Variants in UNC45A observed in about 807,000 individuals in gnomAD.
UNC45A encodes the protein protein unc-45 homolog A.
In UNC45A, 78 loss-of-function variants were observed where a neutral mutation model predicts 103.2. The observed-to-expected ratio is 0.76, with a 90% confidence interval of 0.63 to 0.91. The LOEUF (loss-of-function observed/expected upper bound fraction) is 0.91, where lower values mean the gene tolerates loss of function less well. Ranked by LOEUF, UNC45A falls within the 40% of genes least tolerant of loss-of-function variation. The pLI is 0.00. For missense variants in UNC45A, 1,193 were observed against 1,224.8 expected, an observed-to-expected ratio of 0.97 and a Z score of 0.39; for synonymous variants, 495 against 504.6, an observed-to-expected ratio of 0.98 and a Z score of 0.25.
chr15:90,943,271 T>TA (rs1419771736), intron 8 of UNC45A, among the ~76,000 whole-genome samples, 189 bp downstream of exon 8: 4 of 150,792 alleles, frequency 2.7e-5, no homozygotes, highest in Admixed American at 6.6e-5. Flanking sequence ...TATGAAAAAT[T>TA]AAAAAAAATT....
chr15:90,932,216 T>C, upstream of UNC45A: 2 of 1,239,674 alleles, frequency 1.6e-6, no homozygotes, highest in Admixed American at 2.8e-5. Context: ...TCTGACTAGC[T>C]GGGTGACCTT....
At position 90,942,939 on chromosome 15, in the gene UNC45A, T is replaced by C; in HGVS notation, c.884T>C (p.Ile295Thr). The C allele has an allele frequency of 6.2e-7, 1 of 1,612,884 alleles. No homozygotes were observed. Among genetic ancestry groups the C allele is most frequent in the Non-Finnish European group, 8.5e-7 (1 of 1,179,238 alleles). The change falls in exon 8 of 20, where the codon ATC becomes ACC. Residue 295 changes from isoleucine (I) to threonine (T), a missense_variant. Transcript: ENST00000418476. ...CCTGCCCGGGAGCTGAAGGTCCTCA[T>C]CAGTAACCTCTTAGATCTGCTGACA... ...VDPARELKVL[I>T]SNLLDLLTEV...
Position 90,946,686 on chromosome 15 carries a change from C to T in UNC45A, c.1272C>T (p.Gly424=), listed in dbSNP as rs766692611. 8 of 1,612,472 alleles carry T rather than the reference C, an allele frequency of 5.0e-6. No homozygotes were observed. The African/African-American group carries it at 6.7e-5, about 13-fold the overall frequency. Residue 424 remains glycine, a synonymous_variant, in exon 10 of 20, where the codon GGC becomes GGT. Coordinates refer to ENST00000418476, the MANE Select transcript of UNC45A (RefSeq NM_018671.5). ...AGACGGTGTCCTGCCTCCTGCAGGG[C>T]CCATGTGACGCTGGCAACCGGGCCT... is the stretch of plus-strand genomic sequence containing the variant. ...AIQTVSCLLQ[G]PCDAGNRALE...
intron 6 of UNC45A, 180 bp downstream of exon 6, chr15:90,940,653 C>T (rs935223470): frequency 1.5e-6 from 1 of 667,750 alleles, no homozygotes; most frequent in African/African-American, 1.9e-5. Context: ...TGCCTCACAC[C>T]TGTAATCCCA....
chr15:90,948,396 T>TG, intron 12 of UNC45A, 113 bp downstream of exon 12: 1 of 1,499,444 alleles, frequency 6.7e-7, no homozygotes, highest in Non-Finnish European at 9.0e-7. Flanking sequence ...GGAAGAGGGC[T>TG]GGTGGCTGAG....
At chr15:90,936,057 G>T in intron 3 of UNC45A, 75 bp downstream of exon 3, 1 of 1,596,832 alleles carries the variant, frequency 6.3e-7, no homozygotes, top group Non-Finnish European at 8.5e-7. Context: ...CCGCTGCACC[G>T]TCACATTCTC....
chr15:90,938,635 G>A (rs1279700222), intron 4 of UNC45A, among the ~76,000 whole-genome samples: 1 of 152,052 alleles, frequency 6.6e-6, no homozygotes, highest in Non-Finnish European at 1.5e-5. Flanking sequence ...GGGTGGGGGA[G>A]TAGGCCTAGG....
In UNC45A at chr15:90,948,700, A is replaced by G. The variant is rs1340093562; in HGVS notation, c.1784A>G (p.Asn595Ser). 13 of 1,613,982 alleles carry G rather than the reference A, an allele frequency of 8.1e-6. No individual in the cohort carries two copies. The highest frequency in any genetic ancestry group is 1.1e-5 in the Non-Finnish European group (13 of 1,180,000). ...VLFAVASALV[N>S]CTNSYDYEEP... is the part of the protein sequence containing the mutation. ...TTTGCGGTGGCCTCAGCGCTGGTGA[A>G]CTGCACCAACAGCTATGACTACGAG... is the stretch of plus-strand genomic sequence containing the variant. The change falls in exon 13 of 20, where the codon AAC becomes AGC. Residue 595 changes from asparagine (N) to serine (S), a missense_variant. Asn to Ser is a conservative substitution (Grantham distance 46, BLOSUM62 1). Coordinates refer to ENST00000418476, the MANE Select transcript of UNC45A (RefSeq NM_018671.5).
chr15:90,948,533 A>G, intron 12 of UNC45A, 121 bp from the exon 13 acceptor site: 2 of 1,478,178 alleles, frequency 1.4e-6, no homozygotes, highest in South Asian at 1.4e-5. Context: ...AGTTTCCCGA[A>G]TTCATCCTGT....
At chr15:90,946,050 C>G (rs531574150) in intron 9 of UNC45A, among the ~76,000 whole-genome samples, 2 of 148,336 alleles carry the variant, frequency 1.3e-5, no homozygotes, top group African/African-American at 2.5e-5. Context: ...GTCAGGAGTT[C>G]GAGACCAGCC....
upstream of UNC45A, chr15:90,932,479 T>G (rs1358878150): frequency 6.9e-6 from 9 of 1,312,154 alleles, no homozygotes; most frequent in Non-Finnish European, 8.7e-6. Context: ...CCGCCGCTGC[T>G]GCCGGTGCTT....
Position 90,953,492 on chromosome 15 carries a change from C to T in UNC45A, c.2611C>T (p.Leu871Phe). ...THWLEILQAL[L>F]LSSNQELQHR... Reference sequence around the variant, plus strand: ...CTGGCTGGAGATCCTGCAGGCCCTGCTTCTGAGCTCCAACCAGGAGCTGCA... The same window carrying T: ...CTGGCTGGAGATCCTGCAGGCCCTGTTTCTGAGCTCCAACCAGGAGCTGCA... Residue 871 changes from leucine to phenylalanine, a missense_variant, in exon 20 of 20, where the codon CTT becomes TTT. By Grantham distance (22) the Leu-to-Phe change is conservative (BLOSUM62 0). Transcript: ENST00000418476. 6.2e-7 allele frequency: 1 copy of T among 1,614,026 alleles called. No homozygotes were observed. Among genetic ancestry groups the T allele is most frequent in the Non-Finnish European group, 8.5e-7 (1 of 1,180,054 alleles).
chr15:90,949,729 G>GT lies in UNC45A; in HGVS notation c.2073+12dup. ...CCCAGGGAGGCGGCAGGGTAAGCTG[G>GT]TTTACACACCCCTTCCTGATGGCTG... is the stretch of plus-strand genomic sequence containing the variant. On this transcript the variant is annotated intron_variant, in intron 15 of 19. Coordinates refer to ENST00000418476, the MANE Select transcript of UNC45A (RefSeq NM_018671.5). The GT allele has an allele frequency of 3.1e-6, 5 of 1,613,988 alleles. No individual in the cohort carries two copies. The highest frequency in any genetic ancestry group is 4.2e-6 in the Non-Finnish European group (5 of 1,179,938).
upstream of UNC45A, chr15:90,930,863 T>G (rs762691307): frequency 9.1e-6 from 2 of 220,358 alleles, no homozygotes; most frequent in Non-Finnish European, 1.9e-5. Flanking sequence ...CCTGCTTTGC[T>G]GAAGGAAAGA....
intron 4 of UNC45A, among the ~76,000 whole-genome samples, chr15:90,939,410 C>T (rs572616544): frequency 3.9e-5 from 6 of 152,250 alleles, no homozygotes; most frequent in Non-Finnish European, 7.3e-5. Context: ...AGCCCATTCA[C>T]GCTGCCACAA....
rs780155833 is a variant in UNC45A, at chr15:90,935,529, C to T, written c.52-15C>T. 14 of 1,583,882 alleles carry T rather than the reference C, an allele frequency of 8.8e-6. No individual in the cohort carries two copies. In the South Asian group the frequency reaches 1.6e-4, roughly 18 times the overall value. On this transcript the variant is annotated splice_polypyrimidine_tract_variant and intron_variant, in intron 1 of 19. Transcript: ENST00000418476. ...CGAACCCCCTCCGACGTTTCCGCCC[C>T]CTTTCTCTCTACAGGCCAGCTCAGT...
intron 12 of UNC45A, 136 bp from the exon 13 acceptor site, chr15:90,948,518 C>T: frequency 7.1e-7 from 1 of 1,417,820 alleles, no homozygotes; most frequent in Non-Finnish European, 9.4e-7. Flanking sequence ...AGTCTGGGGC[C>T]TGGGAGTTTC....
At chr15:90,943,116 C>T (rs1259746079) in intron 8 of UNC45A, 34 bp downstream of exon 8, 4 of 1,571,408 alleles carry the variant, frequency 2.5e-6, no homozygotes, top group Admixed American at 3.7e-5. Flanking sequence ...CTTGCTTCAG[C>T]AGCTGAAGTT....
intron 5 of UNC45A, 96 bp downstream of exon 5, chr15:90,939,919 CA>C: frequency 8.4e-7 from 1 of 1,184,762 alleles, no homozygotes; most frequent in Non-Finnish European, 1.2e-6. Context: ...GCCGCTCCTC[CA>C]ATCGTGCAGC....
Sources: gnomAD v4.1 joint callset for allele counts (sites outside exome capture counted in the v4.1 genomes callset) on GRCh38, gnomAD v4.1.1 for gene constraint, MANE v1.5 for transcripts, NCBI Gene and HGNC (gene_info 2026-07-23, HGNC 2026-07-21) for gene names.